Variants in ALG1L2 observed in about 807,000 individuals in gnomAD.
The protein encoded by ALG1L2 is putative glycosyltransferase ALG1L2.
ALG1L2 carries 32 observed loss-of-function variants against 29.0 expected under a neutral mutation model. That is an observed-to-expected ratio of 1.10 (90% confidence interval 0.83 to 1.48). The LOEUF (loss-of-function observed/expected upper bound fraction) is 1.48. ALG1L2 is among the 40% of genes most tolerant of loss of function. The probability of loss-of-function intolerance (pLI) is 0.00; values close to 1 mark genes in which losing one functional copy is unlikely to be tolerated. For synonymous variants in ALG1L2, 110 were observed against 109.5 expected (o/e 1.00, Z -0.03); for missense variants, 318 against 274.1 (o/e 1.16, Z -1.13).
At chr3:130,090,249 C>T (rs200704237) in intron 1 of ALG1L2, among the ~76,000 whole-genome samples, 5,370 of 145,748 alleles carry the variant, frequency 0.037, no homozygotes, top group East Asian at 0.12. Flanking sequence ...CCAGCTACTC[C>T]GGAGGCTGAG....
chr3:130,096,221 G>A (rs1935131142), intron 6 of ALG1L2, 58 bp downstream of exon 6: 21 of 1,581,278 alleles, frequency 1.3e-5, no homozygotes, highest in Non-Finnish European at 1.8e-5. Context: ...CCGCTGAGGG[G>A]GAAGCAGTGC....
rs1559786785 is a variant in ALG1L2, at chr3:130,091,131, G to A, written c.21-130G>A. 4 of 840,838 alleles carry A rather than the reference G, an allele frequency of 4.8e-6. No homozygotes were observed. In the African/African-American group the frequency reaches 6.8e-5, roughly 14 times the overall value. The allele number at this position is 840,838 out of a possible 1,614,324, so 52.1% of individuals were successfully genotyped here. A position where few individuals can be genotyped will look rare whatever the true frequency, so the allele number is the denominator to read the frequency against. On this transcript the variant is annotated intron_variant, in intron 1 of 7. Transcript: ENST00000425059. Reference sequence around the variant, plus strand: ...CTTTAGGGGAAATTTCTGGAAACCAGGAAGAAGGAAATAAAGGTTGTTTTG... The same window carrying A: ...CTTTAGGGGAAATTTCTGGAAACCAAGAAGAAGGAAATAAAGGTTGTTTTG...
Position 130,091,319 on chromosome 3 carries a change from C to T in ALG1L2, c.79C>T (p.Gln27Ter), listed in dbSNP as rs533289688. The T allele has an allele frequency of 2.5e-6, 4 of 1,598,280 alleles. No homozygotes were observed. In the African/African-American group the frequency reaches 4.0e-5, roughly 16 times the overall value. ...CTTTAAAGAGGCACCTCTGGACCTGCAGCACCGGCTCTTCATGAAGCTGGG... is the reference window on the plus strand; with the variant it reads ...CTTTAAAGAGGCACCTCTGGACCTGTAGCACCGGCTCTTCATGAAGCTGGG... ...SFFKEAPLDL[Q>*]HRLFMKLGST... Residue 27 changes from glutamine (Q) to a stop codon, truncating the protein, a stop_gained, in exon 2 of 8, where the codon CAG (glutamine) becomes TAG (stop). Transcript: ENST00000425059. LOFTEE classifies it high-confidence loss of function.
intron 4 of ALG1L2, among the ~76,000 whole-genome samples, chr3:130,093,493 C>A (rs1935064608): frequency 6.8e-6 from 1 of 147,768 alleles, no homozygotes; most frequent in Non-Finnish European, 1.5e-5. Context: ...GTGGTGCGAT[C>A]TCAGCTCACT....
rs763133417 is a variant in ALG1L2 at position 130,098,229 on chromosome 3, G to C, written c.622G>C (p.Ala208Pro). ...GGTAAGCTCTGCTCTTCAGTATTTT[G>C]CAGATGCTTTTCTCAAACTTTCCTG... ...EELAAQLQYF[A>P]DAFLKLS The change falls in exon 8 of 8, where the codon GCA (alanine) becomes CCA (proline). Residue 208 changes from alanine (A) to proline (P), a missense_variant. Physicochemically the swap from Ala to Pro is conservative, Grantham distance 27. Transcript: ENST00000425059. 46 of 1,596,322 alleles carry C rather than the reference G, an allele frequency of 2.9e-5. No homozygotes were observed. The highest frequency in any genetic ancestry group is 3.6e-5 in the Non-Finnish European group (43 of 1,179,774).
chr3:130,093,505 C>T (rs1347056273), intron 4 of ALG1L2, among the ~76,000 whole-genome samples: 2 of 150,532 alleles, frequency 1.3e-5, no homozygotes, highest in African/African-American at 4.9e-5. Context: ...CAGCTCACTG[C>T]AACCTCTGCC....
chr3:130,086,969 G>A (rs1349395785), intron 1 of ALG1L2, among the ~76,000 whole-genome samples: 3 of 151,346 alleles, frequency 2.0e-5, no homozygotes, highest in Non-Finnish European at 4.4e-5. Context: ...CTTTGCCAAA[G>A]CTCCAGGTTC....
At chr3:130,089,486 AT>A (rs1683575890) in intron 1 of ALG1L2, 1 of 151,978 alleles carries the variant, frequency 6.6e-6, no homozygotes, top group African/African-American at 2.4e-5. Context: ...AGCCTTCATA[AT>A]CAAAAAAAGA....
At position 130,094,476 on chromosome 3, in the gene ALG1L2, C is replaced by G. The variant is rs777256138; in HGVS notation, c.387C>G (p.Ile129Met). 1.3e-6 allele frequency: 2 copies of G among 1,596,218 alleles called. No homozygotes were observed. Among genetic ancestry groups the G allele is most frequent in the South Asian group, 2.2e-5 (2 of 90,984 alleles). ...ATTTCCAGCACATCCAGGTCTGCAT[C>G]CCCTGGCTGGAGGGCCGAGGACTAC... ...QKHFQHIQVCIPWLEGRGLPP... is the reference protein window; with the variant it reads ...QKHFQHIQVCMPWLEGRGLPP... Residue 129 changes from isoleucine (I) to methionine (M), a missense_variant, in exon 5 of 8, where the codon ATC becomes ATG. Physicochemically the swap from Ile to Met is conservative, Grantham distance 10. Coordinates refer to ENST00000425059, the MANE Select transcript of ALG1L2 (RefSeq NM_001136152.1).
chr3:130,094,577 C>CTTTTGGCTGGGGTAAGGGGGGGGGGG, intron 5 of ALG1L2, 64 bp downstream of exon 5: 1 of 286,992 alleles, frequency 3.5e-6, no homozygotes, highest in Non-Finnish European at 6.5e-6. Context: ...CAGGGGTGGG[C>CTTTTGGCTGGGGTAAGGGGGGGGGGG]GGGGTGTACC....
intron 3 of ALG1L2, 82 bp downstream of exon 3, chr3:130,092,304 G>C (rs1250818041): frequency 1.3e-6 from 2 of 1,587,586 alleles, no homozygotes; most frequent in Non-Finnish European, 1.7e-6. Flanking sequence ...TGCCAGTCCT[G>C]CATGCCCCAA....
chr3:130,097,582 G>C (rs1461845031), intron 7 of ALG1L2, among the ~76,000 whole-genome samples: 2 of 152,226 alleles, frequency 1.3e-5, no homozygotes, highest in Admixed American at 1.3e-4. Context: ...TCTGGGACCA[G>C]CCTTGAAAGA....
intron 1 of ALG1L2, among the ~76,000 whole-genome samples, chr3:130,084,522 C>G (rs9883444): frequency 1.8e-5 from 2 of 112,928 alleles, no homozygotes; most frequent in African/African-American, 3.0e-5. Flanking sequence ...TAAAAAGAAG[C>G]TAAAATGAAG....
chr3:130,084,922 G>GTA (rs1444925129), intron 1 of ALG1L2, among the ~76,000 whole-genome samples: 13 of 127,766 alleles, frequency 1.0e-4, no homozygotes, highest in African/African-American at 2.6e-4. Flanking sequence ...TAGTGTGTGT[G>GTA]TGTATATATA....
chr3:130,096,060 C>A lies in ALG1L2; in HGVS notation c.436C>A (p.Leu146Met). The change falls in exon 6 of 8, where the codon CTG becomes ATG. Residue 146 changes from leucine to methionine, a missense_variant. Coordinates refer to ENST00000425059, the MANE Select transcript of ALG1L2 (RefSeq NM_001136152.1). Reference sequence around the variant, plus strand: ...CTCTTGCCTAGCAGGGTCGGTGGACCTGGATGTCTGTCTGGACACGTCCTC... The same window carrying A: ...CTCTTGCCTAGCAGGGTCGGTGGACATGGATGTCTGTCTGGACACGTCCTC... ...GLPPLLGSVD[L>M]DVCLDTSSSG... The A allele has an allele frequency of 2.5e-6, 4 of 1,608,670 alleles. No individual in the cohort carries two copies. The highest frequency in any genetic ancestry group is 3.4e-6 in the Non-Finnish European group (4 of 1,178,812).
rs755114026 is a variant in ALG1L2 at position 130,097,221 on chromosome 3, G to A, written c.586G>A (p.Asp196Asn). ...TGAAGAAAACCGCCTGGTCTTTGAG[G>A]ACTCAGAGGAACTGGCAGCTCAGCT... Reference protein sequence around the residue: ...KHEENRLVFEDSEELAAQLQY... With the variant: ...KHEENRLVFENSEELAAQLQY... Residue 196 changes from aspartate (D) to asparagine (N), a missense_variant, in exon 7 of 8, where the codon GAC (aspartate) becomes AAC (asparagine). Coordinates refer to ENST00000425059, the MANE Select transcript of ALG1L2 (RefSeq NM_001136152.1). 1 of 1,611,298 alleles carries A rather than the reference G, an allele frequency of 6.2e-7. No individual in the cohort carries two copies. The highest frequency in any genetic ancestry group is 8.5e-7 in the Non-Finnish European group (1 of 1,179,860).
In ALG1L2 at chr3:130,096,000, T is replaced by C. The variant is rs747843919; in HGVS notation, c.425-49T>C. On this transcript the variant is annotated intron_variant, in intron 5 of 7. Coordinates refer to ENST00000425059, the MANE Select transcript of ALG1L2 (RefSeq NM_001136152.1). Reference sequence around the variant, plus strand: ...CCTCACTGTGCTGGGAGGATTTGTGTTCCCGGGGCAGAGACCAGCGCTCTG... The same window carrying C: ...CCTCACTGTGCTGGGAGGATTTGTGCTCCCGGGGCAGAGACCAGCGCTCTG... The C allele has an allele frequency of 5.4e-6, 8 of 1,492,538 alleles. No individual in the cohort carries two copies. The East Asian group carries it at 1.2e-4, about 22-fold the overall frequency. 92.5% of individuals were successfully genotyped at this position (1,492,538 alleles called of 1,614,324 possible). A position where few individuals can be genotyped will look rare whatever the true frequency, so the allele number is the denominator to read the frequency against.
chr3:130,095,262 C>G (rs1490341875), intron 5 of ALG1L2, among the ~76,000 whole-genome samples: 1 of 151,984 alleles, frequency 6.6e-6, no homozygotes, highest in Admixed American at 6.6e-5. Flanking sequence ...AACTCCTGAC[C>G]TCAAGTGATC....
intron 1 of ALG1L2, among the ~76,000 whole-genome samples, chr3:130,085,086 G>T (rs1222047732): frequency 2.4e-5 from 3 of 127,564 alleles, no homozygotes; most frequent in Non-Finnish European, 5.4e-5. Flanking sequence ...AGCCTCCCGA[G>T]TAGCTGGGAT....
Sources: gnomAD v4.1 joint callset for allele counts (sites outside exome capture counted in the v4.1 genomes callset) on GRCh38, gnomAD v4.1.1 for gene constraint, MANE v1.5 for transcripts, NCBI Gene and HGNC (gene_info 2026-07-23, HGNC 2026-07-21) for gene names.